The following RNF215 variants were observed in gnomAD, a reference collection of about 807,000 sequenced individuals.
The protein encoded by RNF215 is ring finger protein 215.
RNF215 carries 41 observed loss-of-function variants against 44.8 expected under a neutral mutation model. That is an observed-to-expected ratio of 0.92 (90% CI 0.71 to 1.19). The LOEUF is 1.19. RNF215 is among the 50% of genes most tolerant of loss of function. RNF215 has a pLI of 0.00. For missense variants in RNF215, 452 were observed against 496.2 expected, an observed-to-expected ratio of 0.91 and a Z score of 0.85; for synonymous variants, 218 against 230.1, an observed-to-expected ratio of 0.95 and a Z score of 0.48.
At chr22:30,381,842 T>G (rs1328786369) in intron 5 of RNF215, among the ~76,000 whole-genome samples, 3 of 152,178 alleles carry the variant, frequency 2.0e-5, no homozygotes, top group African/African-American at 7.2e-5. Context: ...TCTTCTCTCC[T>G]CCAGCTGCAG....
At position 30,384,123 on chromosome 22, in the gene RNF215, G is replaced by A. The variant is rs1933563175; in HGVS notation, c.744+216C>T. 2.0e-5 allele frequency among the ~76,000 whole-genome samples: 3 copies of A among 152,310 alleles called. 1 individual carries two copies. The Middle Eastern group carries it at 0.01, about 518-fold the overall frequency. ...CCCAATGCCTGCAGAACATGAGGAC[G>A]GCAGCTAACACTGACTACATGTGAC... On this transcript the variant is annotated intron_variant, in intron 5 of 8. Coordinates refer to ENST00000382363, the MANE Select transcript of RNF215 (RefSeq NM_001017981.2).
In RNF215 at chr22:30,387,410, C is replaced by G. The variant is rs1933621337; in HGVS notation, c.-97G>C. ...GGCCGCTGCCGGACGGGGCGGGGCG[C>G]CGGGAGGGGCGGGGCCGCGGCCGGA... is the stretch of plus-strand genomic sequence containing the variant. On this transcript the variant is annotated 5_prime_UTR_variant, in exon 1 of 9. Transcript: ENST00000382363. 1.5e-6 allele frequency: 1 copy of G among 650,308 alleles called. No homozygotes were observed. The allele number at this position is 650,308 out of a possible 1,614,324, so 40.3% of individuals were successfully genotyped here. A position where few individuals can be genotyped will look rare whatever the true frequency, so the allele number is the denominator to read the frequency against.
At chr22:30,382,921 G>C (rs1267399038) in intron 5 of RNF215, among the ~76,000 whole-genome samples, 1 of 152,192 alleles carries the variant, frequency 6.6e-6, no homozygotes, top group Non-Finnish European at 1.5e-5. Context: ...GGGCAACATA[G>C]TGAAACCCCA....
intron 4 of RNF215, chr22:30,384,735 T>C (rs7292744): frequency 0.32 from 134,471 of 421,402 alleles, 22,145 homozygotes; most frequent in South Asian, 0.39. Context: ...ACAGAGCCAC[T>C]TCCTTGCTCC....
rs994106615 is a variant in RNF215 at position 30,379,013 on chromosome 22, G to T, written c.*587C>A. On this transcript the variant is annotated 3_prime_UTR_variant, in exon 9 of 9. Transcript: ENST00000382363. ...GAACAGGACGGTTTCTAAGACCTCTGGTCCTAGCCAGGCCCAGGAAGGGAG... is the reference window on the plus strand; with the variant it reads ...GAACAGGACGGTTTCTAAGACCTCTTGTCCTAGCCAGGCCCAGGAAGGGAG... The T allele has an allele frequency of 1.3e-5, 2 of 154,694 alleles. No individual in the cohort carries two copies. Among genetic ancestry groups the T allele is most frequent in the African/African-American group, 4.8e-5 (2 of 41,344 alleles). The allele number at this position is 154,694 out of a possible 1,614,324, so 9.6% of individuals were successfully genotyped here. A position where few individuals can be genotyped will look rare whatever the true frequency, so the allele number is the denominator to read the frequency against.
At position 30,379,284 on chromosome 22, in the gene RNF215, C is replaced by T. The variant is rs1282201950; in HGVS notation, c.*316G>A. 5 of 420,690 alleles carry T rather than the reference C, an allele frequency of 1.2e-5. No individual in the cohort carries two copies. Among genetic ancestry groups the T allele is most frequent in the African/African-American group, 6.0e-5 (3 of 50,014 alleles). The allele number at this position is 420,690 out of a possible 1,614,324, so 26.1% of individuals were successfully genotyped here. The stretch of plus-strand genomic sequence containing the variant: ...AGAACCCTGGCGACAGCTACACTGG[C>T]CCCATATTCTCTTTCCTTATTGACC... On this transcript the variant is annotated 3_prime_UTR_variant, in exon 9 of 9. Transcript: ENST00000382363.
chr22:30,379,888 T>G, intron 7 of RNF215, 75 bp from the exon 8 acceptor site: 1 of 1,508,572 alleles, frequency 6.6e-7, no homozygotes, highest in Non-Finnish European at 9.1e-7. Context: ...CCCATGCCCC[T>G]CGCCTCAGCT....
At chr22:30,384,566 G>A (rs1933570658) in intron 4 of RNF215, 71 bp from the exon 5 acceptor site, 1 of 1,379,800 alleles carries the variant, frequency 7.2e-7, no homozygotes, top group African/African-American at 1.4e-5. Context: ...ACCCACCCCA[G>A]CTCTGCAGGA....
intron 5 of RNF215, among the ~76,000 whole-genome samples, chr22:30,383,588 C>T (rs540710741): frequency 2.0e-5 from 3 of 152,250 alleles, no homozygotes; most frequent in East Asian, 1.9e-4. Flanking sequence ...ACCAGGAGAC[C>T]GGGACGTGAC....
chr22:30,386,231 G>T, intron 2 of RNF215, 90 bp from the exon 3 acceptor site: 2 of 1,261,182 alleles, frequency 1.6e-6, no homozygotes, highest in Non-Finnish European at 2.2e-6. Context: ...TTAGCTCCTG[G>T]CCCTGCAGTG....
chr22:30,381,157 G>T (rs1933524596), intron 5 of RNF215, among the ~76,000 whole-genome samples: 1 of 152,136 alleles, frequency 6.6e-6, no homozygotes, highest in African/African-American at 2.4e-5. Flanking sequence ...CTTATGGCTG[G>T]GTGAATGCGC....
Position 30,387,253 on chromosome 22 carries a change from A to ACGGAGGCGGCGG in RNF215, c.49_60dup (p.Pro17_Pro20dup), listed in dbSNP as rs922343203. 161 of 1,025,420 alleles carry ACGGAGGCGGCGG rather than the reference A, an allele frequency of 1.6e-4. No individual in the cohort carries two copies. Among genetic ancestry groups the ACGGAGGCGGCGG allele is most frequent in the Middle Eastern group, 4.4e-4 (1 of 2,248 alleles). 63.5% of individuals were successfully genotyped at this position (1,025,420 alleles called of 1,614,324 possible). A position where few individuals can be genotyped will look rare whatever the true frequency, so the allele number is the denominator to read the frequency against. On this transcript the variant is annotated inframe_insertion, in exon 1 of 9. Coordinates refer to ENST00000382363, the MANE Select transcript of RNF215 (RefSeq NM_001017981.2). Reference sequence around the variant, plus strand: ...AGGGGCAGCAGCAGCAGCAGCGGAGACGGAGGCGGCGGCGGAGGCGGCGGC... The same window carrying ACGGAGGCGGCGG: ...AGGGGCAGCAGCAGCAGCAGCGGAGACGGAGGCGGCGGCGGAGGCGGCGGCGGAGGCGGCGGC...
chr22:30,379,632 A>C lies in RNF215; in HGVS notation c.1112-10T>G. 1 of 1,551,606 alleles carries C rather than the reference A, an allele frequency of 6.4e-7. No homozygotes were observed. On this transcript the variant is annotated splice_polypyrimidine_tract_variant and intron_variant, in intron 8 of 8. Transcript: ENST00000382363. ...TCGGAGTAGCGGTTCCCTGCAGGGGAGGGGAAGAAGAACAGGGAGAGAGGC... is the reference window on the plus strand; with the variant it reads ...TCGGAGTAGCGGTTCCCTGCAGGGGCGGGGAAGAAGAACAGGGAGAGAGGC...
chr22:30,384,694 T>C, intron 4 of RNF215, 199 bp from the exon 5 acceptor site: 1 of 526,132 alleles, frequency 1.9e-6, no homozygotes, highest in Non-Finnish European at 3.4e-6. Context: ...AAGTCCATCT[T>C]CCTCCTTGCT....
chr22:30,386,552 T>C lies in RNF215; in HGVS notation c.429+64A>G. 14 of 1,555,672 alleles carry C rather than the reference T, an allele frequency of 9.0e-6. No individual in the cohort carries two copies. In the South Asian group the frequency reaches 1.7e-4, roughly 19 times the overall value. ...CTTAAGGGCCCATCTAAGGAGGGCC[T>C]GGCTCTAGCAGATGCCTTGGAATCC... On this transcript the variant is annotated intron_variant, in intron 2 of 8. Coordinates refer to ENST00000382363, the MANE Select transcript of RNF215 (RefSeq NM_001017981.2).
Position 30,387,104 on chromosome 22 carries a change from G to A in RNF215, c.210C>T (p.Asp70=), listed in dbSNP as rs755222576. 1,659 of 1,520,642 alleles carry A rather than the reference G, an allele frequency of 1.1e-3. 3 individuals are homozygous for A. Among genetic ancestry groups the A allele is most frequent in the Non-Finnish European group, 1.3e-3 (1,457 of 1,139,552 alleles). The allele number at this position is 1,520,642 out of a possible 1,614,324, so 94.2% of individuals were successfully genotyped here. The part of the protein sequence containing the change: ...VRVDVRLPRQ[D]ALVLEGVRIG... Reference sequence around the variant, plus strand: ...TCCTGACGCCCTCCAGGACCAGAGCGTCCTGGCGCGGCAGTCTCACGTCCA... The same window carrying A: ...TCCTGACGCCCTCCAGGACCAGAGCATCCTGGCGCGGCAGTCTCACGTCCA... The change falls in exon 1 of 9, where the codon GAC becomes GAT. Residue 70 remains aspartate (D), a synonymous_variant. Transcript: ENST00000382363.
At position 30,386,759 on chromosome 22, in the gene RNF215, T is replaced by C. The variant is rs751976757; in HGVS notation, c.286A>G (p.Met96Val). The C allele has an allele frequency of 3.7e-6, 6 of 1,603,264 alleles. No individual in the cohort carries two copies. The highest frequency in any genetic ancestry group is 1.3e-5 in the African/African-American group (1 of 74,920). The change falls in exon 2 of 9, where the codon ATG becomes GTG. Residue 96 changes from methionine to valine, a missense_variant and splice_region_variant. Coordinates refer to ENST00000382363, the MANE Select transcript of RNF215 (RefSeq NM_001017981.2). The stretch of plus-strand genomic sequence containing the variant: ...TCCTGCTCGGCATCCACGATGTCCA[T>C]CTGTGTGGCAAGGGGCCATGAGCAG... ...APLLGGRLLL[M>V]DIVDAEQEAP...
At chr22:30,384,025 T>A (rs997715092) in intron 5 of RNF215, among the ~76,000 whole-genome samples, 1 of 151,688 alleles carries the variant, frequency 6.6e-6, no homozygotes, top group Non-Finnish European at 1.5e-5. Flanking sequence ...AAAAATAGAG[T>A]GAGTGAGTGA....
In RNF215 at chr22:30,384,431, A is replaced by G. The variant is rs1569199425; in HGVS notation, c.652T>C (p.Leu218=). 6.2e-7 allele frequency: 1 copy of G among 1,613,982 alleles called. No individual in the cohort carries two copies. Among genetic ancestry groups the G allele is most frequent in the South Asian group, 1.1e-5 (1 of 91,058 alleles). ...ESLSANIEWK[L]TLWTTCGLSK... is the part of the protein sequence containing the mutation. ...AGGCCACAGGTGGTCCACAAGGTCA[A>G]CTTCCACTCGATATTGGCAGACAGG... is the stretch of plus-strand genomic sequence containing the variant. Residue 218 remains leucine (L), a synonymous_variant, in exon 5 of 9, where the codon TTG becomes CTG. Coordinates refer to ENST00000382363, the MANE Select transcript of RNF215 (RefSeq NM_001017981.2).
Sources: allele counts gnomAD v4.1 joint callset (sites outside exome capture counted in the v4.1 genomes callset), GRCh38; gene constraint gnomAD v4.1.1; transcripts MANE v1.5; gene names NCBI Gene and HGNC (gene_info 2026-07-23, HGNC 2026-07-21).